Variants in NALF1 observed in about 807,000 individuals in gnomAD.
NALF1 encodes the protein family with sequence similarity 155 member A.
A neutral mutation model predicts 48.4 loss-of-function variants in NALF1; 3 were observed. That is an observed-to-expected ratio of 0.06 (90% confidence interval 0.03 to 0.16). The LOEUF (loss-of-function observed/expected upper bound fraction) is 0.16, where lower values mean the gene tolerates loss of function less well. Ranked by LOEUF, NALF1 falls within the 10% of genes least tolerant of loss-of-function variation. The pLI is 1.00. For synonymous variants in NALF1, 262 were observed against 245.7 expected (o/e 1.07, Z -0.62); for missense variants, 526 against 571.5 (o/e 0.92, Z 0.81).
intron 2 of NALF1, among the ~76,000 whole-genome samples, chr13:107,210,024 A>C (rs9587322): frequency 0.025 from 3,808 of 152,246 alleles, 150 homozygotes; most frequent in African/African-American, 0.082. Flanking sequence ...TTGCTGAAAG[A>C]AGTAAACATC....
intron 1 of NALF1, among the ~76,000 whole-genome samples, chr13:107,222,645 C>T (rs547870976): frequency 3.2e-4 from 49 of 152,298 alleles, no homozygotes; most frequent in Non-Finnish European, 5.7e-4. Context: ...TGTAAATTGT[C>T]AAATTGTGTG....
intron 1 of NALF1, among the ~76,000 whole-genome samples, chr13:107,554,147 T>C (rs1352424280): frequency 1.3e-5 from 2 of 152,308 alleles, no homozygotes; most frequent in East Asian, 1.9e-4. Context: ...TCCTGATGTA[T>C]GGCAGACGCA....
At chr13:107,556,997 A>G (rs1409905379) in intron 1 of NALF1, among the ~76,000 whole-genome samples, 1 of 152,142 alleles carries the variant, frequency 6.6e-6, no homozygotes, top group Non-Finnish European at 1.5e-5. Flanking sequence ...TGATTTTTCA[A>G]CCTCTGAAAT....
intron 1 of NALF1, among the ~76,000 whole-genome samples, chr13:107,556,553 G>A (rs533670475): frequency 2.6e-5 from 4 of 151,958 alleles, no homozygotes; most frequent in East Asian, 1.9e-4. Flanking sequence ...GTGCAATGGC[G>A]CCATCTCGGC....
intron 1 of NALF1, among the ~76,000 whole-genome samples, chr13:107,820,793 G>A (rs945405353): frequency 2.0e-5 from 3 of 152,106 alleles, no homozygotes; most frequent in Admixed American, 6.6e-5. Context: ...ATAACCACAG[G>A]AGACACTGAT....
intron 1 of NALF1, among the ~76,000 whole-genome samples, chr13:107,405,670 GGTCATACTGTGGCCACACTGATTAAAGA>G (rs1883886613): frequency 6.6e-6 from 1 of 151,934 alleles, no homozygotes; most frequent in Admixed American, 6.6e-5. Context: ...CTTCCAAATA[GGTCATACTGTGGCCACACTGATTAAAGA>G]GGAAGGAATG....
chr13:107,810,648 C>A (rs143000232), intron 1 of NALF1, among the ~76,000 whole-genome samples: 98 of 152,140 alleles, frequency 6.4e-4, no homozygotes, highest in African/African-American at 2.2e-3. Flanking sequence ...TGGTTATTGG[C>A]AGATCATTAT....
intron 1 of NALF1, among the ~76,000 whole-genome samples, chr13:107,480,980 G>GA (rs1055752070): frequency 4.3e-4 from 64 of 148,188 alleles, no homozygotes; most frequent in East Asian, 1.8e-3. Context: ...AAACTGGGTT[G>GA]AAAAAAAAAA....
chr13:107,353,400 C>T (rs1594133550), intron 1 of NALF1, among the ~76,000 whole-genome samples: 4 of 152,272 alleles, frequency 2.6e-5, no homozygotes, highest in Admixed American at 2.6e-4. Context: ...GCATTTTAGT[C>T]CACTGCAGAC....
chr13:107,761,629 G>A (rs1877267853), intron 1 of NALF1, among the ~76,000 whole-genome samples: 1 of 152,120 alleles, frequency 6.6e-6, no homozygotes, highest in South Asian at 2.1e-4. Context: ...ATTCCAATTA[G>A]GCATTGTGCT....
At chr13:107,734,412 ACACACACAC>A (rs1360507007) in intron 1 of NALF1, among the ~76,000 whole-genome samples, 6 of 151,180 alleles carry the variant, frequency 4.0e-5, no homozygotes, top group Non-Finnish European at 3.0e-5. Context: ...AAAAAAAAAC[ACACACACAC>A]ACACACACAC....
In NALF1 at chr13:107,737,910, A is replaced by T. The variant is rs150671252; in HGVS notation, c.915+127772T>A. Among the ~76,000 whole-genome samples, 245 of 152,334 alleles carry T rather than the reference A, an allele frequency of 1.6e-3. 6 individuals are homozygous for T. Among genetic ancestry groups the T allele is most frequent in the Admixed American group, 0.013 (197 of 15,290 alleles). ...AAATGCATCCACGTACAATTCGGGC[A>T]GAAGGGTATTAAAACATGTGAAATC... On this transcript the variant is annotated intron_variant, in intron 1 of 2. Coordinates refer to ENST00000375915, the MANE Select transcript of NALF1 (RefSeq NM_001080396.3).
At chr13:107,619,213 G>C (rs1168978162) in intron 1 of NALF1, among the ~76,000 whole-genome samples, 1 of 152,214 alleles carries the variant, frequency 6.6e-6, no homozygotes, top group African/African-American at 2.4e-5. Flanking sequence ...TTCTATTCCA[G>C]AGACATGAGG....
intron 1 of NALF1, among the ~76,000 whole-genome samples, chr13:107,227,019 C>T (rs886933779): frequency 6.6e-6 from 1 of 152,200 alleles, no homozygotes; most frequent in Non-Finnish European, 1.5e-5. Context: ...GACATTCTTG[C>T]ACTATCTTAT....
intron 1 of NALF1, among the ~76,000 whole-genome samples, chr13:107,642,302 TG>T (rs1337433782): frequency 1.3e-5 from 2 of 152,218 alleles, no homozygotes; most frequent in Non-Finnish European, 2.9e-5. Context: ...GCTAAAATAT[TG>T]GCTATGCCCA....
chr13:107,464,018 T>C (rs939836974), intron 1 of NALF1, among the ~76,000 whole-genome samples: 2 of 152,136 alleles, frequency 1.3e-5, no homozygotes, highest in African/African-American at 2.4e-5. Context: ...GAAAACCTAC[T>C]AGTTAGGTGT....
At chr13:107,432,926 C>T (rs374607256) in intron 1 of NALF1, among the ~76,000 whole-genome samples, 11 of 152,150 alleles carry the variant, frequency 7.2e-5, no homozygotes, top group Admixed American at 5.2e-4. Flanking sequence ...CATTCATCTC[C>T]TGAAGTCTTC....
intron 1 of NALF1, among the ~76,000 whole-genome samples, chr13:107,767,702 A>G (rs558172812): frequency 6.6e-6 from 1 of 152,316 alleles, no homozygotes; most frequent in South Asian, 2.1e-4. Context: ...ACAATTAGGA[A>G]ACTCTGGGAA....
At chr13:107,266,845 T>C (rs1270982299) in intron 1 of NALF1, among the ~76,000 whole-genome samples, 2 of 152,170 alleles carry the variant, frequency 1.3e-5, no homozygotes, top group African/African-American at 4.8e-5. Context: ...TCACCATGAG[T>C]ATTTCCCAGA....
Sources: allele counts gnomAD v4.1 joint callset (sites outside exome capture counted in the v4.1 genomes callset), GRCh38; gene constraint gnomAD v4.1.1; transcripts MANE v1.5; gene names NCBI Gene and HGNC (gene_info 2026-07-23, HGNC 2026-07-21).